The following ECE2 variants were observed in gnomAD, a reference collection of about 807,000 sequenced individuals.
ECE2 encodes endothelin converting enzyme 2.
A neutral mutation model predicts 100.6 loss-of-function variants in ECE2; 81 were observed. The ratio of observed to expected loss-of-function variants is 0.81; its 90% CI spans 0.67 to 0.97. The LOEUF is 0.97. Ranked by LOEUF, ECE2 falls within the 50% of genes least tolerant of loss-of-function variation. The pLI is 0.00. For synonymous variants in ECE2, 391 were observed against 391.5 expected (o/e 1.00, Z 0.02); for missense variants, 911 against 988.1 (o/e 0.92, Z 1.05).
At position 184,290,557 on chromosome 3, in the gene ECE2, G is replaced by A; in HGVS notation, c.1656G>A (p.Gln552=). 2 of 1,613,900 alleles carry A rather than the reference G, an allele frequency of 1.2e-6. No homozygotes were observed. The highest frequency in any genetic ancestry group is 1.7e-6 in the Non-Finnish European group (2 of 1,179,856). ...DQLRKPPSRD[Q]WSMTPQTVNA... ...CAGCCCCTCACTCTTCCTCCGCCAG[G>A]TGGAGCATGACCCCCCAGACAGTGA... Residue 552 remains glutamine (Q), a splice_region_variant and synonymous_variant, in exon 15 of 19, where the codon CAG becomes CAA. Coordinates refer to ENST00000404464, the MANE Select transcript of ECE2 (RefSeq NM_001100121.2).
chr3:184,279,428 G>A (rs528947894), intron 7 of ECE2, among the ~76,000 whole-genome samples: 5 of 151,958 alleles, frequency 3.3e-5, no homozygotes, highest in East Asian at 3.9e-4. Context: ...GGCTGAGGCC[G>A]GCGGATCACT....
At chr3:184,282,786 T>C in intron 7 of ECE2, among the ~76,000 whole-genome samples, 1 of 152,144 alleles carries the variant, frequency 6.6e-6, no homozygotes, top group Non-Finnish European at 1.5e-5. Context: ...GGGTGTGAAA[T>C]GGGACTCATC....
Position 184,289,348 on chromosome 3 carries a change from G to A in ECE2, c.1375-89G>A. 8.2e-7 allele frequency: 1 copy of A among 1,223,686 alleles called. No homozygotes were observed. The highest frequency in any genetic ancestry group is 1.2e-6 in the Non-Finnish European group (1 of 851,502). The allele number at this position is 1,223,686 out of a possible 1,614,324, so 75.8% of individuals were successfully genotyped here. On this transcript the variant is annotated intron_variant, in intron 11 of 18. Coordinates refer to ENST00000404464, the MANE Select transcript of ECE2 (RefSeq NM_001100121.2). This position sits in a 1 kb window ranked among gnomAD's most constrained non-coding sequence, Gnocchi z 4.1. ...GTCTAGACGTTCCCATTTCCCCTGGGTGGACAGGGATGGGGCACCAAGGGT... is the reference window on the plus strand; with the variant it reads ...GTCTAGACGTTCCCATTTCCCCTGGATGGACAGGGATGGGGCACCAAGGGT...
rs1241640148 is a variant in ECE2, at chr3:184,289,467, G to A, written c.1405G>A (p.Ala469Thr). 4.0e-5 allele frequency: 65 copies of A among 1,610,700 alleles called. No homozygotes were observed. Among genetic ancestry groups the A allele is most frequent in the Middle Eastern group, 1.7e-4 (1 of 5,720 alleles). The change falls in exon 12 of 19, where the codon GCA (alanine) becomes ACA (threonine). Residue 469 changes from alanine (A) to threonine (T), a missense_variant. Ala to Thr is a moderately conservative substitution (Grantham distance 58, BLOSUM62 0). Coordinates refer to ENST00000404464, the MANE Select transcript of ECE2 (RefSeq NM_001100121.2). The surrounding 1 kb of genome is among the most constrained non-coding windows in gnomAD (Gnocchi z 4.1). ...AEGMISEIRT[A>T]FEEALGQLVW... ...GGGGATGATCAGCGAAATCCGGACC[G>A]CATTTGAGGAGGCCCTGGGACAGCT...
chr3:184,276,150 C>T lies in ECE2; in HGVS notation c.-4C>T. ...CCTGAATCACCGCCTGGCCCGACTC[C>T]ACCATGAACGTCGCGCTGCAGGAGC... On this transcript the variant is annotated 5_prime_UTR_variant, in exon 1 of 19. Transcript: ENST00000404464. The T allele has an allele frequency of 7.1e-7, 1 of 1,412,802 alleles. No individual in the cohort carries two copies. The highest frequency in any genetic ancestry group is 9.2e-7 in the Non-Finnish European group (1 of 1,088,772). 87.5% of individuals were successfully genotyped at this position (1,412,802 alleles called of 1,614,324 possible). A position where few individuals can be genotyped will look rare whatever the true frequency, so the allele number is the denominator to read the frequency against.
In ECE2 at chr3:184,285,500, T is replaced by C. The variant is rs774747558; in HGVS notation, c.1171T>C (p.Trp391Arg). The change falls in exon 10 of 19, where the codon TGG becomes CGG. Residue 391 changes from tryptophan to arginine, a missense_variant. Physicochemically the swap from Trp to Arg is moderately radical, Grantham distance 101. Coordinates refer to ENST00000404464, the MANE Select transcript of ECE2 (RefSeq NM_001100121.2). Reference protein sequence around the residue: ...EPSILNNYLIWNLVQKTTSSL... With the variant: ...EPSILNNYLIRNLVQKTTSSL... ...CAGCATCCTGAACAATTACCTGATC[T>C]GGAACCTGGTGCAAAAGACAACCTC... is the stretch of plus-strand genomic sequence containing the variant. 6.2e-7 allele frequency: 1 copy of C among 1,614,174 alleles called. No individual in the cohort carries two copies. Among genetic ancestry groups the C allele is most frequent in the Non-Finnish European group, 8.5e-7 (1 of 1,180,020 alleles).
intron 9 of ECE2, among the ~76,000 whole-genome samples, 153 bp downstream of exon 9, chr3:184,285,258 C>G (rs1687232): frequency 6.6e-6 from 1 of 152,162 alleles, no homozygotes; most frequent in Non-Finnish European, 1.5e-5. Flanking sequence ...TTCCTCTGCG[C>G]TAGGGTTGCA....
rs375443543 is a variant in ECE2, at chr3:184,285,124, G to C, written c.1148+19G>C. On this transcript the variant is annotated intron_variant, in intron 9 of 18. Transcript: ENST00000404464. ...AACCAAGGTGTGGGGGTAGCCCAGG[G>C]TGAGGGTGGGTTCTGTGGAGGTCTC... 1.0e-4 allele frequency: 164 copies of C among 1,611,008 alleles called. No homozygotes were observed. The highest frequency in any genetic ancestry group is 4.7e-4 in the African/African-American group (35 of 74,986).
In ECE2 at chr3:184,291,031, TCTC is replaced by T. The variant is rs1721286525; in HGVS notation, c.1835-5_1835-3del. On this transcript the variant is annotated splice_region_variant and splice_polypyrimidine_tract_variant and intron_variant, in intron 16 of 18. Coordinates refer to ENST00000404464, the MANE Select transcript of ECE2 (RefSeq NM_001100121.2). This position sits in a 1 kb window ranked among gnomAD's most constrained non-coding sequence, Gnocchi z 4.1. ...GTTTTGGTGGGGTGCAAAGGTGAGT[TCTC>T]CTCAGGGCGCGAGTATGACAAAGAA... The T allele has an allele frequency of 6.4e-7, 1 of 1,557,246 alleles. No individual in the cohort carries two copies. Among genetic ancestry groups the T allele is most frequent in the Admixed American group, 1.9e-5 (1 of 52,314 alleles).
At position 184,289,421 on chromosome 3, in the gene ECE2, A is replaced by G. The variant is rs764418624; in HGVS notation, c.1375-16A>G. ...TTCAGTGCAGGGGAAGGCTGACTTT[A>G]CCTCCTCCCTCCCAGGCAGAGGGGA... On this transcript the variant is annotated splice_polypyrimidine_tract_variant and intron_variant, in intron 11 of 18. Coordinates refer to ENST00000404464, the MANE Select transcript of ECE2 (RefSeq NM_001100121.2). The surrounding 1 kb of genome is among the most constrained non-coding windows in gnomAD (Gnocchi z 4.1). 3.4e-5 allele frequency: 54 copies of G among 1,586,402 alleles called. No homozygotes were observed. In the Admixed American group the frequency reaches 9.4e-4, roughly 28 times the overall value.
Position 184,290,259 on chromosome 3 carries a change from A to C in ECE2, c.1556A>C (p.Glu519Ala), listed in dbSNP as rs1721248783. The C allele has an allele frequency of 6.2e-7, 1 of 1,613,516 alleles. No individual in the cohort carries two copies. Among genetic ancestry groups the C allele is most frequent in the African/African-American group, 1.3e-5 (1 of 75,036 alleles). The change falls in exon 14 of 19, where the codon GAA becomes GCA. Residue 519 changes from glutamate to alanine, a missense_variant. By Grantham distance (107) the Glu-to-Ala change is moderately radical. Coordinates refer to ENST00000404464, the MANE Select transcript of ECE2 (RefSeq NM_001100121.2). ...TACTTCCCACCTTTCCCACAGTACG[A>C]AATTTCTGAAGATTCTTTCTTCCAA... ...KELDDVYDGYEISEDSFFQNM... is the reference protein window; with the variant it reads ...KELDDVYDGYAISEDSFFQNM...
chr3:184,277,941 C>G lies in ECE2; in HGVS notation c.495C>G (p.Asn165Lys). The G allele has an allele frequency of 3.1e-6, 5 of 1,612,570 alleles. No individual in the cohort carries two copies. Among genetic ancestry groups the G allele is most frequent in the Non-Finnish European group, 4.2e-6 (5 of 1,180,012 alleles). Reference protein sequence around the residue: ...LKHLLENTTFNSSSEAEQKTQ... With the variant: ...LKHLLENTTFKSSSEAEQKTQ... ...GCCCCACAGAAAACACCACCTTCAA[C>G]TCCAGCAGTGAAGCTGAGCAGAAGA... The change falls in exon 5 of 19, where the codon AAC becomes AAG. Residue 165 changes from asparagine (N) to lysine (K), a missense_variant. Asn to Lys is a moderately conservative substitution (Grantham distance 94). Transcript: ENST00000404464.
Position 184,291,218 on chromosome 3 carries a change from G to A in ECE2, c.2013G>A (p.Lys671=), listed in dbSNP as rs766813278. 6.2e-7 allele frequency: 1 copy of A among 1,612,146 alleles called. No homozygotes were observed. The highest frequency in any genetic ancestry group is 8.5e-7 in the Non-Finnish European group (1 of 1,179,000). ...GENIADNGGL[K]AAYNAYKAWL... is the part of the protein sequence containing the mutation. ...ACATTGCTGACAACGGGGGGCTGAAGGCTGCCTACAATGTGAGTGGCCTGA... is the reference window on the plus strand; with the variant it reads ...ACATTGCTGACAACGGGGGGCTGAAAGCTGCCTACAATGTGAGTGGCCTGA... Residue 671 remains lysine (K), a synonymous_variant, in exon 17 of 19, where the codon AAG becomes AAA. Transcript: ENST00000404464. This position sits in a 1 kb window ranked among gnomAD's most constrained non-coding sequence, Gnocchi z 4.1.
intron 7 of ECE2, among the ~76,000 whole-genome samples, chr3:184,281,875 G>C (rs1028339789): frequency 6.6e-6 from 1 of 152,196 alleles, no homozygotes. Flanking sequence ...GAGGTGGGCA[G>C]ATTACCTGAG....
intron 6 of ECE2, 73 bp from the exon 7 acceptor site, chr3:184,278,418 CT>C: frequency 6.3e-7 from 1 of 1,592,882 alleles, no homozygotes; most frequent in Non-Finnish European, 8.6e-7. Flanking sequence ...GGCCCCACCC[CT>C]ACCCCCGCTC....
chr3:184,276,909 G>T lies in ECE2; in HGVS notation c.144G>T (p.Gly48=), dbSNP rs1720579009. Reference sequence around the variant, plus strand: ...TTCCCCAGGTGGGATTCCAGAAGGGGACAAGACAGCTGTTAGGCTCACGCA... The same window carrying T: ...TTCCCCAGGTGGGATTCCAGAAGGGTACAAGACAGCTGTTAGGCTCACGCA... The part of the protein sequence containing the change: ...PDAMEVGFQK[G]TRQLLGSRTQ... Residue 48 remains glycine, a synonymous_variant, in exon 3 of 19, where the codon GGG becomes GGT. Coordinates refer to ENST00000404464, the MANE Select transcript of ECE2 (RefSeq NM_001100121.2). 3.7e-6 allele frequency: 6 copies of T among 1,614,152 alleles called. No individual in the cohort carries two copies. The highest frequency in any genetic ancestry group is 5.1e-6 in the Non-Finnish European group (6 of 1,180,026).
intron 13 of ECE2, 29 bp from the exon 14 acceptor site, chr3:184,290,224 GCT>G (rs762663452): frequency 5.1e-6 from 8 of 1,567,530 alleles, no homozygotes; most frequent in Admixed American, 3.5e-5. Context: ...GGATTCTCTT[GCT>G]CTCTTTCTAC....
chr3:184,283,903 TCACA>T lies in ECE2; in HGVS notation c.936_939del (p.Ile312MetfsTer17). 1 of 1,613,890 alleles carries T rather than the reference TCACA, an allele frequency of 6.2e-7. No homozygotes were observed. On this transcript the variant is annotated frameshift_variant, in exon 8 of 19. Transcript: ENST00000404464. LOFTEE classifies it high-confidence loss of function. ...GAGTTGGAGATACAGCTGGCCAACA[TCACA>T]GTGCCCCAGGACCAGCGGCGCGACG...
In ECE2 at chr3:184,277,357, C is replaced by T; in HGVS notation, c.369C>T (p.Phe123=). ...GCCCCTGTGAGGACTTTTACCAGTT[C>T]TCCTGTGGGGGCTGGATTCGGAGGA... The part of the protein sequence containing the change: ...GVSPCEDFYQ[F]SCGGWIRRNP... Residue 123 remains phenylalanine (F), a synonymous_variant, in exon 4 of 19, where the codon TTC becomes TTT. Coordinates refer to ENST00000404464, the MANE Select transcript of ECE2 (RefSeq NM_001100121.2). 1 of 1,614,250 alleles carries T rather than the reference C, an allele frequency of 6.2e-7. No homozygotes were observed. Among genetic ancestry groups the T allele is most frequent in the Non-Finnish European group, 8.5e-7 (1 of 1,180,048 alleles).
Sources: gnomAD v4.1 joint callset for allele counts (sites outside exome capture counted in the v4.1 genomes callset) on GRCh38, gnomAD v4.1.1 for gene constraint, Gnocchi (gnomAD v3.1) non-coding constraint, MANE v1.5 for transcripts, NCBI Gene and HGNC (gene_info 2026-07-23, HGNC 2026-07-21) for gene names.